CAPN5: variants seen among roughly 807,000 people sequenced by gnomAD.
CAPN5 encodes the protein calpain-5.
Under a neutral mutation model 73.0 loss-of-function variants are expected in CAPN5, and 54 were observed. The observed-to-expected ratio is 0.74, with a 90% CI of 0.59 to 0.93. The LOEUF is 0.93. CAPN5 is among the 40% of genes least tolerant of loss of function. The pLI is 0.00. For missense variants in CAPN5, 785 were observed against 882.9 expected (o/e 0.89, Z 1.41); for synonymous variants, 335 against 356.9 (o/e 0.94, Z 0.69).
rs1950560219 is a variant in CAPN5 at position 77,125,095 on chromosome 11, TC to T, written c.*1226del. 6.6e-6 allele frequency: 1 copy of T among 152,438 alleles called. No individual in the cohort carries two copies. Among genetic ancestry groups the T allele is most frequent in the African/African-American group, 2.4e-5 (1 of 41,466 alleles). 9.4% of individuals were successfully genotyped at this position (152,438 alleles called of 1,614,324 possible). A position where few individuals can be genotyped will look rare whatever the true frequency, so the allele number is the denominator to read the frequency against. On this transcript the variant is annotated 3_prime_UTR_variant, in exon 13 of 13. Coordinates refer to ENST00000648180, the MANE Select transcript of CAPN5 (RefSeq NM_004055.5). ...TTTTGCTGGTCCTCTGGAGAACTCT[TC>T]GTGAGCACTGGTGCCGTGACCCACT...
intron 3 of CAPN5, among the ~76,000 whole-genome samples, chr11:77,100,636 A>T (rs572525930): frequency 6.6e-6 from 1 of 152,242 alleles, no homozygotes; most frequent in African/African-American, 2.4e-5. Context: ...CAGCGTCCCC[A>T]TACAAGCACT....
At chr11:77,072,280 T>C (rs1487000933) in intron 1 of CAPN5, among the ~76,000 whole-genome samples, 1 of 152,054 alleles carries the variant, frequency 6.6e-6, no homozygotes, top group African/African-American at 2.4e-5. Context: ...ATCTACCCTT[T>C]GAGATCCCGT....
chr11:77,086,185 C>T (rs1488732211), intron 2 of CAPN5, among the ~76,000 whole-genome samples: 1 of 152,192 alleles, frequency 6.6e-6, no homozygotes, highest in Non-Finnish European at 1.5e-5. Flanking sequence ...TTTCAGCAGC[C>T]TGTAACAGGG....
intron 2 of CAPN5, among the ~76,000 whole-genome samples, chr11:77,090,135 G>A (rs1555036244): frequency 6.6e-6 from 1 of 152,148 alleles, no homozygotes; most frequent in East Asian, 1.9e-4. Flanking sequence ...TTCCTTTACA[G>A]GTGCCCCAAG....
At chr11:77,079,167 A>G (rs1555034293) in intron 1 of CAPN5, among the ~76,000 whole-genome samples, 1 of 151,588 alleles carries the variant, frequency 6.6e-6, no homozygotes, top group African/African-American at 2.4e-5. Context: ...TATTATTATT[A>G]TTATTTTTCC....
At chr11:77,103,348 C>CTCTAGCCCACCTG in intron 3 of CAPN5, 1 of 1,599,018 alleles carries the variant, frequency 6.3e-7, no homozygotes, top group African/African-American at 1.3e-5. Context: ...CTGCCAGCTG[C>CTCTAGCCCACCTG]TGCTCTCCTC....
At chr11:77,113,242 C>T (rs1259977146) in intron 4 of CAPN5, among the ~76,000 whole-genome samples, 3 of 152,240 alleles carry the variant, frequency 2.0e-5, no homozygotes, top group East Asian at 1.9e-4. Context: ...CACCATCCGC[C>T]TCTGCCTGGC....
Position 77,123,876 on chromosome 11 carries a change from G to A in CAPN5, c.*6G>A. 1 of 1,611,656 alleles carries A rather than the reference G, an allele frequency of 6.2e-7. No homozygotes were observed. Among genetic ancestry groups the A allele is most frequent in the Non-Finnish European group, 8.5e-7 (1 of 1,179,172 alleles). On this transcript the variant is annotated 3_prime_UTR_variant, in exon 13 of 13. Transcript: ENST00000648180. ...CCTCCCTCATGGCTGTCTGACACCT[G>A]CCCACCTACCTGGCTCTGACCGTTC...
At chr11:77,094,501 G>C (rs1158071455) in intron 3 of CAPN5, among the ~76,000 whole-genome samples, 1 of 152,252 alleles carries the variant, frequency 6.6e-6, no homozygotes, top group East Asian at 1.9e-4. Flanking sequence ...GTGCACAGGA[G>C]GCAGGGAGGC....
At position 77,099,957 on chromosome 11, in the gene CAPN5, C is replaced by T. The variant is rs189368692; in HGVS notation, c.297+6144C>T. 5.3e-5 allele frequency among the ~76,000 whole-genome samples: 8 copies of T among 152,228 alleles called. No homozygotes were observed. In the East Asian group the frequency reaches 1.5e-3, roughly 29 times the overall value. ...GTTCAAGTGATTTTCCTGCCTCAGC[C>T]TCCTGAGTAGCTGGGATTACAGGCG... On this transcript the variant is annotated intron_variant, in intron 3 of 12. Coordinates refer to ENST00000648180, the MANE Select transcript of CAPN5 (RefSeq NM_004055.5).
intron 3 of CAPN5, among the ~76,000 whole-genome samples, chr11:77,096,070 TC>T (rs1164004328): frequency 6.6e-6 from 1 of 152,136 alleles, no homozygotes; most frequent in East Asian, 1.9e-4. Flanking sequence ...TTGACTGGGC[TC>T]TGTTTGTTGT....
Position 77,066,991 on chromosome 11 carries a change from CCAGAGCCCGAGG to C in CAPN5, c.-137_-126del, listed in dbSNP as rs1949847782. On this transcript the variant is annotated 5_prime_UTR_variant, in exon 1 of 13. Transcript: ENST00000648180. ...AGGCCAGTCCCAGCTGGATCTCCGGCCAGAGCCCGAGGCTGCTGCGCCGGGCGGCTGCAGCCT... is the reference window on the plus strand; with the variant it reads ...AGGCCAGTCCCAGCTGGATCTCCGGCCTGCTGCGCCGGGCGGCTGCAGCCT... 6.6e-6 allele frequency: 1 copy of C among 152,046 alleles called. No individual in the cohort carries two copies. Among genetic ancestry groups the C allele is most frequent in the Non-Finnish European group, 1.5e-5 (1 of 68,000 alleles). The allele number at this position is 152,046 out of a possible 1,614,324, so 9.4% of individuals were successfully genotyped here.
chr11:77,072,892 G>A (rs1949924822), intron 1 of CAPN5: 2 of 341,918 alleles, frequency 5.8e-6, no homozygotes, highest in Non-Finnish European at 5.9e-6. Context: ...ACTCAATCAC[G>A]AGAGCCTGTG....
At chr11:77,095,188 C>T (rs1950194613) in intron 3 of CAPN5, among the ~76,000 whole-genome samples, 1 of 152,228 alleles carries the variant, frequency 6.6e-6, no homozygotes, top group Non-Finnish European at 1.5e-5. Flanking sequence ...CACCCGTTGG[C>T]TCATTTCAAT....
intron 1 of CAPN5, among the ~76,000 whole-genome samples, chr11:77,080,732 G>T (rs1354608842): frequency 6.6e-6 from 1 of 152,180 alleles, no homozygotes; most frequent in Admixed American, 6.5e-5. Context: ...GCAGGCCTAG[G>T]AACAGATGCC....
chr11:77,102,230 G>A (rs1457372675), intron 3 of CAPN5, among the ~76,000 whole-genome samples: 1 of 152,174 alleles, frequency 6.6e-6, no homozygotes, highest in Non-Finnish European at 1.5e-5. Flanking sequence ...CCTGTCAATG[G>A]GACTGGAGGG....
intron 2 of CAPN5, among the ~76,000 whole-genome samples, chr11:77,091,212 T>C (rs2135432168): frequency 6.6e-6 from 1 of 152,250 alleles, no homozygotes; most frequent in South Asian, 2.1e-4. Flanking sequence ...TGCTCCACGA[T>C]CTGTAGAGTC....
rs782225834 is a variant in CAPN5 at position 77,084,815 on chromosome 11, A to T, written c.-35-37A>T. On this transcript the variant is annotated intron_variant, in intron 1 of 12. Transcript: ENST00000648180. ...CACAGGGCACATCAGGGACCCAGGGACTCTGTGAGTGACCGTCTTCTTGCC... is the reference window on the plus strand; with the variant it reads ...CACAGGGCACATCAGGGACCCAGGGTCTCTGTGAGTGACCGTCTTCTTGCC... The T allele has an allele frequency of 3.8e-6, 6 of 1,579,206 alleles. No individual in the cohort carries two copies. In the South Asian group the frequency reaches 6.7e-5, roughly 18 times the overall value.
At chr11:77,114,033 T>G (rs1950440313) in intron 4 of CAPN5, among the ~76,000 whole-genome samples, 1 of 151,856 alleles carries the variant, frequency 6.6e-6, no homozygotes, top group Non-Finnish European at 1.5e-5. Flanking sequence ...TTTTTTAAGA[T>G]TGAGCCACTA....
Sources: gnomAD v4.1 joint callset for allele counts (sites outside exome capture counted in the v4.1 genomes callset) on GRCh38, gnomAD v4.1.1 for gene constraint, MANE v1.5 for transcripts, NCBI Gene and HGNC (gene_info 2026-07-23, HGNC 2026-07-21) for gene names.